ACKR2: variants seen among roughly 807,000 people sequenced by gnomAD.
ACKR2 encodes the protein C-C chemokine receptor D6.
For synonymous variants in ACKR2, 207 were observed against 192.2 expected (o/e 1.08, Z -0.64); for missense variants, 457 against 477.3 (o/e 0.96, Z 0.40).
At position 42,845,827 on chromosome 3, in the gene ACKR2, C is replaced by T. The variant is rs193221663; in HGVS notation, c.-37-18639C>T. 9.3e-5 allele frequency among the ~76,000 whole-genome samples: 12 copies of T among 129,084 alleles called. No individual in the cohort carries two copies. The East Asian group carries it at 1.1e-3, about 12-fold the overall frequency. 84.7% of individuals were successfully genotyped at this position (129,084 alleles called of 152,430 possible). ...TCGTGCCACTGCACTCCAGCCTGGGCGACAGAGCAAGACTCCGTCTCAAAA... is the reference window on the plus strand; with the variant it reads ...TCGTGCCACTGCACTCCAGCCTGGGTGACAGAGCAAGACTCCGTCTCAAAA... On this transcript the variant is annotated intron_variant, in intron 2 of 2. Coordinates refer to ENST00000422265, the MANE Select transcript of ACKR2 (RefSeq NM_001296.5).
At chr3:42,860,485 T>C (rs9824640) in intron 2 of ACKR2, among the ~76,000 whole-genome samples, 43,300 of 152,014 alleles carry the variant, frequency 0.28, 7,431 homozygotes, top group East Asian at 0.6. Context: ...TGAACTCACC[T>C]CTGGACCAAG....
chr3:42,864,095 C>T (rs1482528672), intron 2 of ACKR2, among the ~76,000 whole-genome samples: 1 of 152,100 alleles, frequency 6.6e-6, no homozygotes, highest in African/African-American at 2.4e-5. Context: ...TCAGGAGACA[C>T]ATTAAATAGA....
At chr3:42,835,250 C>T (rs1700976191) in intron 2 of ACKR2, 1 of 151,868 alleles carries the variant, frequency 6.6e-6, no homozygotes, top group Non-Finnish European at 1.5e-5. Flanking sequence ...CTCCAGAGCC[C>T]ATGAAGATGC....
chr3:42,828,718 G>A (rs1292151930), intron 2 of ACKR2, among the ~76,000 whole-genome samples: 1 of 152,104 alleles, frequency 6.6e-6, no homozygotes, highest in Non-Finnish European at 1.5e-5. Flanking sequence ...CTGATGATTT[G>A]GGGGGCTAAT....
intron 2 of ACKR2, among the ~76,000 whole-genome samples, chr3:42,853,073 C>T (rs1334971101): frequency 6.6e-6 from 1 of 152,158 alleles, no homozygotes; most frequent in Non-Finnish European, 1.5e-5. Context: ...ACACAAAGCC[C>T]TGTGTAAGTG....
intron 1 of ACKR2, among the ~76,000 whole-genome samples, chr3:42,817,586 A>G (rs1252350404): frequency 6.6e-6 from 1 of 152,036 alleles, no homozygotes; most frequent in Non-Finnish European, 1.5e-5. Flanking sequence ...CCCTGCATCC[A>G]GGCTTCTCAT....
At chr3:42,838,917 T>G (rs916176442) in intron 2 of ACKR2, among the ~76,000 whole-genome samples, 1 of 152,220 alleles carries the variant, frequency 6.6e-6, no homozygotes, top group African/African-American at 2.4e-5. Flanking sequence ...TTTGCCAAAG[T>G]CAAACGTCCT....
At chr3:42,855,816 C>T (rs1162737505) in intron 2 of ACKR2, among the ~76,000 whole-genome samples, 1 of 152,164 alleles carries the variant, frequency 6.6e-6, no homozygotes, top group Non-Finnish European at 1.5e-5. Context: ...AGAGAGAGAA[C>T]AAAGGTGGCC....
At chr3:42,862,133 A>G (rs1305112257) in intron 2 of ACKR2, among the ~76,000 whole-genome samples, 1 of 152,226 alleles carries the variant, frequency 6.6e-6, no homozygotes, top group African/African-American at 2.4e-5. Flanking sequence ...TCAGCCCAAA[A>G]TCTCCTTAAG....
At position 42,864,499 on chromosome 3, in the gene ACKR2, C is replaced by T; in HGVS notation, c.-4C>T. On this transcript the variant is annotated 5_prime_UTR_variant, in exon 3 of 3. Transcript: ENST00000422265. ...GACGTCGGGACTGGGCATTTCCTTC[C>T]AACATGGCCGCCACTGCCTCTCCGC... 1 of 1,589,252 alleles carries T rather than the reference C, an allele frequency of 6.3e-7. No individual in the cohort carries two copies. The highest frequency in any genetic ancestry group is 8.6e-7 in the Non-Finnish European group (1 of 1,166,496).
At chr3:42,839,981 G>A (rs1249880839) in intron 2 of ACKR2, among the ~76,000 whole-genome samples, 1 of 152,140 alleles carries the variant, frequency 6.6e-6, no homozygotes, top group African/African-American at 2.4e-5. Flanking sequence ...AGAGCAGGCC[G>A]GGCGCAGTGG....
chr3:42,815,302 T>C (rs1575372951), intron 1 of ACKR2, among the ~76,000 whole-genome samples: 1 of 152,340 alleles, frequency 6.6e-6, no homozygotes, highest in East Asian at 1.9e-4. Context: ...CTTAAGGATG[T>C]AGAGGTAGTT....
At chr3:42,828,266 C>G (rs146555503) in intron 2 of ACKR2, among the ~76,000 whole-genome samples, 1 of 151,738 alleles carries the variant, frequency 6.6e-6, no homozygotes, top group African/African-American at 2.4e-5. Flanking sequence ...CCTGCCACCA[C>G]GCCCAGCTGA....
At chr3:42,821,782 C>T (rs925970315) in intron 2 of ACKR2, among the ~76,000 whole-genome samples, 150 of 152,028 alleles carry the variant, frequency 9.9e-4, no homozygotes, top group Non-Finnish European at 4.7e-4. Flanking sequence ...CTGCAAGCTC[C>T]GATTCCCGGG....
At chr3:42,849,257 G>A (rs1050096480) in intron 2 of ACKR2, among the ~76,000 whole-genome samples, 5 of 152,128 alleles carry the variant, frequency 3.3e-5, no homozygotes, top group Non-Finnish European at 7.4e-5. Flanking sequence ...ATCCCAGCAC[G>A]TTGGGAGGCT....
At position 42,865,392 on chromosome 3, in the gene ACKR2, C is replaced by T. The variant is rs2088425992; in HGVS notation, c.890C>T (p.Thr297Ile). ...CATCTAGACTACGCACTCCAGGTAACAGAGAGCATCGCCTTCCTTCACTGC... is the reference window on the plus strand; with the variant it reads ...CATCTAGACTACGCACTCCAGGTAATAGAGAGCATCGCCTTCCTTCACTGC... Reference protein sequence around the residue: ...SQHLDYALQVTESIAFLHCCF... With the variant: ...SQHLDYALQVIESIAFLHCCF... Residue 297 changes from threonine to isoleucine, a missense_variant, in exon 3 of 3, where the codon ACA becomes ATA. Thr to Ile is a moderately conservative substitution (Grantham distance 89, BLOSUM62 -1). Coordinates refer to ENST00000422265, the MANE Select transcript of ACKR2 (RefSeq NM_001296.5). The T allele has an allele frequency of 6.2e-7, 1 of 1,614,212 alleles. No individual in the cohort carries two copies. The highest frequency in any genetic ancestry group is 8.5e-7 in the Non-Finnish European group (1 of 1,180,044).
At chr3:42,836,385 A>G (rs1461627675) in intron 2 of ACKR2, among the ~76,000 whole-genome samples, 2 of 152,110 alleles carry the variant, frequency 1.3e-5, no homozygotes, top group Non-Finnish European at 2.9e-5. Context: ...TGGCATTCCA[A>G]CCCCAAGAGG....
chr3:42,838,807 G>A lies in ACKR2; in HGVS notation c.-38+19096G>A, dbSNP rs1345160694. ...CAAAAAAACTGGAGACAAACCAAATGTCCCTCAGCTACAGAATGGATTAAA... is the reference window on the plus strand; with the variant it reads ...CAAAAAAACTGGAGACAAACCAAATATCCCTCAGCTACAGAATGGATTAAA... On this transcript the variant is annotated intron_variant, in intron 2 of 2. Transcript: ENST00000422265. Among the ~76,000 whole-genome samples the A allele has an allele frequency of 3.3e-5, 5 of 152,218 alleles. No individual in the cohort carries two copies. In the South Asian group the frequency reaches 8.3e-4, roughly 25 times the overall value.
At chr3:42,836,072 A>T (rs1700985394) in intron 2 of ACKR2, 1 of 152,194 alleles carries the variant, frequency 6.6e-6, no homozygotes, top group Admixed American at 6.6e-5. Context: ...TACTACAGTC[A>T]GAAGAACTGC....
Sources: allele counts gnomAD v4.1 joint callset (sites outside exome capture counted in the v4.1 genomes callset), GRCh38; gene constraint gnomAD v4.1.1; transcripts MANE v1.5; gene names NCBI Gene and HGNC (gene_info 2026-07-23, HGNC 2026-07-21).